Variants in COL5A1 observed in about 807,000 individuals in gnomAD.
COL5A1 encodes collagen type V alpha 1 chain, also known as collagen alpha-1(V) chain.
COL5A1 carries 16 observed loss-of-function variants against 263.7 expected under a neutral mutation model. That is an observed-to-expected ratio of 0.06 (90% confidence interval 0.04 to 0.09). The LOEUF is 0.09. COL5A1 is among the 10% of genes least tolerant of loss of function. COL5A1 has a pLI of 1.00. For missense variants in COL5A1, 2,036 were observed against 2,540.5 expected, an observed-to-expected ratio of 0.80 and a Z score of 4.27; for synonymous variants, 1,012 against 1,004.5, an observed-to-expected ratio of 1.01 and a Z score of -0.14.
At chr9:134,786,587 A>G (rs1238850567) in intron 31 of COL5A1, among the ~76,000 whole-genome samples, 4 of 152,184 alleles carry the variant, frequency 2.6e-5, no homozygotes, top group Admixed American at 2.0e-4. Context: ...CGGCGATTTG[A>G]AGGCTATTTG....
rs1564376270 is a variant in COL5A1, at chr9:134,669,225, CCCTTCCCTTT to C, written c.110-21677_110-21668del. 1.7e-3 allele frequency among the ~76,000 whole-genome samples: 146 copies of C among 88,268 alleles called. 6 individuals are homozygous for C. The highest frequency in any genetic ancestry group is 8.2e-3 in the African/African-American group (132 of 16,152). The allele number at this position is 88,268 out of a possible 152,430, so 57.9% of individuals were successfully genotyped here. On this transcript the variant is annotated intron_variant, in intron 1 of 65. Coordinates refer to ENST00000371817, the MANE Select transcript of COL5A1 (RefSeq NM_000093.5). ...TTTCCCTTTCCTTTTCCCTTCCCTT[CCCTTCCCTTT>C]CCTTCCCTTCCCTTCCCTTCCCTTC...
intron 5 of COL5A1, among the ~76,000 whole-genome samples, chr9:134,727,893 T>C (rs945837307): frequency 6.6e-6 from 1 of 152,220 alleles, no homozygotes; most frequent in African/African-American, 2.4e-5. Context: ...GCCATGTCCA[T>C]GGGTCAGCTG....
chr9:134,688,826 C>T (rs184857936), intron 1 of COL5A1, among the ~76,000 whole-genome samples: 47 of 152,284 alleles, frequency 3.1e-4, no homozygotes, highest in Admixed American at 1.4e-3. Flanking sequence ...GACTTCAGAA[C>T]CCTGGGACCT....
chr9:134,767,072 G>C lies in COL5A1; in HGVS notation c.2187+19G>C. On this transcript the variant is annotated intron_variant, in intron 23 of 65. Coordinates refer to ENST00000371817, the MANE Select transcript of COL5A1 (RefSeq NM_000093.5). Reference sequence around the variant, plus strand: ...CGCCCAGGTAAGTGAGCCTGAGAGAGGCAGCTCGCAGGGATCCGGCCGTGG... The same window carrying C: ...CGCCCAGGTAAGTGAGCCTGAGAGACGCAGCTCGCAGGGATCCGGCCGTGG... 3 of 1,612,244 alleles carry C rather than the reference G, an allele frequency of 1.9e-6. No homozygotes were observed. The highest frequency in any genetic ancestry group is 2.5e-6 in the Non-Finnish European group (3 of 1,179,404).
rs1021264926 is a variant in COL5A1 at position 134,716,383 on chromosome 9, G to A, written c.655-10883G>A. On this transcript the variant is annotated intron_variant, in intron 4 of 65. Transcript: ENST00000371817. The surrounding 1 kb of genome is among the most constrained non-coding windows in gnomAD (Gnocchi z 4.5). The stretch of plus-strand genomic sequence containing the variant: ...GGCTTCCTTCTGGGGAGCCTGGACC[G>A]AGTGAACATCCCCTGTGCTCAGCGA... 1.3e-5 allele frequency among the ~76,000 whole-genome samples: 2 copies of A among 152,162 alleles called. No individual in the cohort carries two copies. The highest frequency in any genetic ancestry group is 4.8e-5 in the African/African-American group (2 of 41,436).
Position 134,758,156 on chromosome 9 carries a change from G to C in COL5A1, c.1882-87G>C, listed in dbSNP as rs375462347. On this transcript the variant is annotated intron_variant, in intron 17 of 65. Transcript: ENST00000371817. This position sits in a 1 kb window ranked among gnomAD's most constrained non-coding sequence, Gnocchi z 4.1. ...TGCTGTGTGAAACGTGGTCCAAGGC[G>C]GGGCGGCCATCACTTGGTGGACACC... 4.2e-4 allele frequency: 581 copies of C among 1,370,916 alleles called. 3 individuals carry two copies. The South Asian group carries it at 6.3e-3, about 15-fold the overall frequency. The allele number at this position is 1,370,916 out of a possible 1,614,324, so 84.9% of individuals were successfully genotyped here.
intron 1 of COL5A1, among the ~76,000 whole-genome samples, chr9:134,668,954 C>CCCATCCACCCATCCAT (rs1832441067): frequency 1.8e-5 from 2 of 110,396 alleles, no homozygotes; most frequent in African/African-American, 7.3e-5. Flanking sequence ...CACCCACCCA[C>CCCATCCACCCATCCAT]CCATCCATCC....
chr9:134,796,254 C>A lies in COL5A1; in HGVS notation c.2800-120C>A. 3 of 1,119,962 alleles carry A rather than the reference C, an allele frequency of 2.7e-6. No individual in the cohort carries two copies. The South Asian group carries it at 3.7e-5, about 14-fold the overall frequency. The allele number at this position is 1,119,962 out of a possible 1,614,324, so 69.4% of individuals were successfully genotyped here. On this transcript the variant is annotated intron_variant, in intron 34 of 65. Coordinates refer to ENST00000371817, the MANE Select transcript of COL5A1 (RefSeq NM_000093.5). ...TGCCCCTTACTGAGGGTCAGGGCCA[C>A]CTTCAGGGGTGCACACAGGCAATAT... is the stretch of plus-strand genomic sequence containing the variant.
intron 33 of COL5A1, 34 bp from the exon 34 acceptor site, chr9:134,795,228 T>A: frequency 6.2e-7 from 1 of 1,613,768 alleles, no homozygotes; most frequent in Non-Finnish European, 8.5e-7. Context: ...GTGTCGGGAC[T>A]TGAGCTGACC....
chr9:134,824,923 G>A, intron 62 of COL5A1, 68 bp downstream of exon 62: 4 of 1,539,996 alleles, frequency 2.6e-6, no homozygotes, highest in Non-Finnish European at 2.6e-6. Flanking sequence ...CATGGAGTGT[G>A]GCAAGGACAG....
At chr9:134,764,628 C>T (rs1263974602) in intron 20 of COL5A1, among the ~76,000 whole-genome samples, 1 of 152,126 alleles carries the variant, frequency 6.6e-6, no homozygotes, top group African/African-American at 2.4e-5. Context: ...TCTCTTTTCT[C>T]GTAGCCAAGT....
chr9:134,837,300 G>A (rs1839882529), intron 65 of COL5A1, among the ~76,000 whole-genome samples: 1 of 152,106 alleles, frequency 6.6e-6, no homozygotes, highest in Non-Finnish European at 1.5e-5. Context: ...AGTGGGTATT[G>A]TCTGGTAAAG....
At chr9:134,791,993 C>T (rs1837706367) in intron 32 of COL5A1, among the ~76,000 whole-genome samples, 1 of 152,148 alleles carries the variant, frequency 6.6e-6, no homozygotes, top group African/African-American at 2.4e-5. Flanking sequence ...CCCAGAAGGT[C>T]CAGGGAGGCC....
chr9:134,657,928 G>A (rs1832073240), intron 1 of COL5A1, among the ~76,000 whole-genome samples: 1 of 151,938 alleles, frequency 6.6e-6, no homozygotes, highest in South Asian at 2.1e-4. Context: ...GGCTGGTGAG[G>A]AGTGGGGAGA....
At chr9:134,711,497 C>T (rs1266183428) in intron 4 of COL5A1, among the ~76,000 whole-genome samples, 3 of 152,136 alleles carry the variant, frequency 2.0e-5, no homozygotes, top group Non-Finnish European at 1.5e-5. Flanking sequence ...TCTACCACTG[C>T]ACCCCATGGT....
intron 11 of COL5A1, among the ~76,000 whole-genome samples, chr9:134,747,056 A>T (rs1469563532): frequency 6.6e-6 from 1 of 152,212 alleles, no homozygotes; most frequent in East Asian, 1.9e-4. Flanking sequence ...TTTCTAAGTG[A>T]TAGCAAATGC....
At chr9:134,760,973 T>C (rs1333873733) in intron 18 of COL5A1, among the ~76,000 whole-genome samples, 1 of 137,634 alleles carries the variant, frequency 7.3e-6, no homozygotes, top group East Asian at 2.3e-4. Flanking sequence ...TACACACATG[T>C]ATACCACCCC....
chr9:134,842,643 G>T lies in COL5A1; in HGVS notation c.*340G>T. 1 of 434,518 alleles carries T rather than the reference G, an allele frequency of 2.3e-6. No homozygotes were observed. The highest frequency in any genetic ancestry group is 4.2e-6 in the Non-Finnish European group (1 of 239,340). 26.9% of individuals were successfully genotyped at this position (434,518 alleles called of 1,614,324 possible). A position where few individuals can be genotyped will look rare whatever the true frequency, so the allele number is the denominator to read the frequency against. On this transcript the variant is annotated 3_prime_UTR_variant, in exon 66 of 66. Transcript: ENST00000371817. This position sits in a 1 kb window ranked among gnomAD's most constrained non-coding sequence, Gnocchi z 5.8. ...CCATCCTGTTCGTGAATAGGTCTCA[G>T]GGGTTGGGGGAGGGACTGCCAGATT...
chr9:134,811,127 A>G (rs1838506433), intron 44 of COL5A1, among the ~76,000 whole-genome samples: 1 of 152,154 alleles, frequency 6.6e-6, no homozygotes, highest in South Asian at 2.1e-4. Context: ...GCTCTTTGCC[A>G]TCCAGAAATG....
Sources: gnomAD v4.1 joint callset for allele counts (sites outside exome capture counted in the v4.1 genomes callset) on GRCh38, gnomAD v4.1.1 for gene constraint, Gnocchi (gnomAD v3.1) non-coding constraint, MANE v1.5 for transcripts, NCBI Gene and HGNC (gene_info 2026-07-23, HGNC 2026-07-21) for gene names.